The following PER3 variants were observed in gnomAD, a reference collection of about 807,000 sequenced individuals.
PER3 encodes the protein period circadian regulator 3.
In PER3, 107 loss-of-function variants were observed where a neutral mutation model predicts 127.2. The observed-to-expected ratio is 0.84, with a 90% CI of 0.72 to 0.99. PER3 has a LOEUF of 0.99. Ranked by LOEUF, PER3 falls within the 50% of genes least tolerant of loss-of-function variation. The pLI, the probability that PER3 is intolerant of heterozygous loss-of-function variation, is 0.00. For missense variants in PER3, 1,560 were observed against 1,525.8 expected (o/e 1.02, Z -0.37); for synonymous variants, 618 against 585.8 (o/e 1.05, Z -0.79).
intron 21 of PER3, among the ~76,000 whole-genome samples, chr1:7,841,879 TCCTTTCA>T (rs2151339256): frequency 6.6e-6 from 1 of 152,240 alleles, no homozygotes; most frequent in East Asian, 1.9e-4. Flanking sequence ...AAAAGCACAG[TCCTTTCA>T]CCACTTAGTA....
At chr1:7,817,351 A>G (rs952410716) in intron 13 of PER3, among the ~76,000 whole-genome samples, 2 of 152,232 alleles carry the variant, frequency 1.3e-5, no homozygotes, top group Non-Finnish European at 2.9e-5. Context: ...GTCCAACTGC[A>G]TTACAGATGA....
At chr1:7,810,679 T>A in intron 13 of PER3, 91 bp downstream of exon 13, 1 of 1,233,778 alleles carries the variant, frequency 8.1e-7, no homozygotes, top group Middle Eastern at 2.2e-4. Context: ...CATAAAGTCA[T>A]GACCCTGTGT....
chr1:7,814,785 C>A (rs1399781521), intron 13 of PER3, among the ~76,000 whole-genome samples: 1 of 152,096 alleles, frequency 6.6e-6, no homozygotes, highest in Non-Finnish European at 1.5e-5. Context: ...AACAATACTA[C>A]AGAGGGTGGG....
At chr1:7,832,128 A>T (rs1320546937) in intron 19 of PER3, among the ~76,000 whole-genome samples, 1 of 152,086 alleles carries the variant, frequency 6.6e-6, no homozygotes, top group Non-Finnish European at 1.5e-5. Context: ...CTTTCAAGAA[A>T]TGTATCTATT....
At chr1:7,785,117 T>G (rs2097080239) in intron 2 of PER3, 112 bp downstream of exon 2, 3 of 1,185,166 alleles carry the variant, frequency 2.5e-6, no homozygotes, top group Admixed American at 2.9e-5. Flanking sequence ...CAGGGGAAAG[T>G]GTAAAGGGGA....
At chr1:7,842,421 A>G (rs2097395173) in intron 21 of PER3, among the ~76,000 whole-genome samples, 1 of 151,842 alleles carries the variant, frequency 6.6e-6, no homozygotes, top group Non-Finnish European at 1.5e-5. Flanking sequence ...AATCGCTTGA[A>G]CCTGGGAGGC....
chr1:7,836,970 C>CTA, intron 20 of PER3, 29 bp from the exon 21 acceptor site: 1 of 1,584,724 alleles, frequency 6.3e-7, no homozygotes, highest in South Asian at 1.1e-5. Flanking sequence ...TTATTCAGGA[C>CTA]TATTAAGATT....
In PER3 at chr1:7,785,422, ATT is replaced by A; in HGVS notation, c.129-11_129-10del. 1.3e-6 allele frequency: 2 copies of A among 1,580,956 alleles called. No individual in the cohort carries two copies. The highest frequency in any genetic ancestry group is 1.4e-5 in the African/African-American group (1 of 73,968). ...GTTGTCTTCAGAGGATGAAGTTGTAATTTTTTTTTATCTTCCAGTGAACAGCA... is the reference window on the plus strand; with the variant it reads ...GTTGTCTTCAGAGGATGAAGTTGTAATTTTTTTATCTTCCAGTGAACAGCA... On this transcript the variant is annotated splice_polypyrimidine_tract_variant and intron_variant, in intron 2 of 21. Coordinates refer to ENST00000377532, the MANE Select transcript of PER3 (RefSeq NM_001377275.1).
At chr1:7,834,343 T>C (rs2097347408) in intron 19 of PER3, among the ~76,000 whole-genome samples, 1 of 152,258 alleles carries the variant, frequency 6.6e-6, no homozygotes, top group South Asian at 2.1e-4. Flanking sequence ...CTTTGTCTTT[T>C]GTGCTATTTT....
At chr1:7,816,488 T>G (rs1362956298) in intron 13 of PER3, among the ~76,000 whole-genome samples, 1 of 152,196 alleles carries the variant, frequency 6.6e-6, no homozygotes, top group East Asian at 1.9e-4. Context: ...ATATCCAGTG[T>G]ACATAAAGAA....
rs764827981 is a variant in PER3, at chr1:7,810,529, A to C, written c.1463A>C (p.Lys488Thr). The C allele has an allele frequency of 3.7e-6, 6 of 1,613,838 alleles. No individual in the cohort carries two copies. The highest frequency in any genetic ancestry group is 1.7e-5 in the Admixed American group (1 of 59,938). Reference sequence around the variant, plus strand: ...GAGTCAATGACCAAATCATCATTCAAGCCAGTGACGGGGACACGCACAGAA... The same window carrying C: ...GAGTCAATGACCAAATCATCATTCACGCCAGTGACGGGGACACGCACAGAA... ...YIESMTKSSFKPVTGTRTEPN... is the reference protein window; with the variant it reads ...YIESMTKSSFTPVTGTRTEPN... The change falls in exon 13 of 22, where the codon AAG becomes ACG. Residue 488 changes from lysine (K) to threonine (T), a missense_variant. By Grantham distance (78) the Lys-to-Thr change is moderately conservative (BLOSUM62 -1). Around this residue, in one of 3 missense-constraint regions of PER3, gnomAD observed 1,332 missense variants for 1,223.6 expected, o/e 1.09. Coordinates refer to ENST00000377532, the MANE Select transcript of PER3 (RefSeq NM_001377275.1).
chr1:7,831,247 A>G (rs1028581919), intron 19 of PER3, among the ~76,000 whole-genome samples: 3 of 152,156 alleles, frequency 2.0e-5, no homozygotes, highest in Non-Finnish European at 4.4e-5. Flanking sequence ...TAAATTTTCA[A>G]TTTGCAATTG....
intron 2 of PER3, 39 bp downstream of exon 2, chr1:7,785,044 G>A (rs753473012): frequency 6.4e-7 from 1 of 1,557,644 alleles, no homozygotes; most frequent in Non-Finnish European, 8.6e-7. Context: ...CCATGCGTTC[G>A]TTGTCCTTCC....
chr1:7,840,069 T>A (rs1396143922), intron 21 of PER3, among the ~76,000 whole-genome samples: 1 of 152,196 alleles, frequency 6.6e-6, no homozygotes, highest in Admixed American at 6.5e-5. Flanking sequence ...TTTTCTTCAG[T>A]CTTTTTTCTT....
Position 7,830,143 on chromosome 1 carries a change from A to G in PER3, c.3196A>G (p.Thr1066Ala), listed in dbSNP as rs2097324212. 6.2e-7 allele frequency: 1 copy of G among 1,613,930 alleles called. No homozygotes were observed. The highest frequency in any genetic ancestry group is 8.5e-7 in the Non-Finnish European group (1 of 1,179,918). The change falls in exon 19 of 22, where the codon ACT (threonine) becomes GCT (alanine). Residue 1066 changes from threonine to alanine, a missense_variant. Physicochemically the swap from Thr to Ala is moderately conservative, Grantham distance 58. This residue lies in a region of PER3 where 199 missense variants were observed against 198.6 expected (regional missense o/e 1.00). Coordinates refer to ENST00000377532, the MANE Select transcript of PER3 (RefSeq NM_001377275.1). ...GSPPSESPSR[T>A]GSAASGSSDS... ...ACCTCCCAGCGAATCCCCATCCAGA[A>G]CTGGTTCAGCAGCATCAGGTAGTGG...
At chr1:7,840,810 G>C (rs1019455498) in intron 21 of PER3, among the ~76,000 whole-genome samples, 1 of 147,952 alleles carries the variant, frequency 6.8e-6, no homozygotes, top group East Asian at 2.0e-4. Flanking sequence ...GCCTCACTCT[G>C]TTGCCCAGTC....
In PER3 at chr1:7,842,831, T is replaced by C. The variant is rs1441189729; in HGVS notation, c.*76T>C. ...CAGACCTTTTTAAGTCCTGGACTTT[T>C]AAATGACCATGAAGTTATCATTGAA... On this transcript the variant is annotated 3_prime_UTR_variant, in exon 22 of 22. Coordinates refer to ENST00000377532, the MANE Select transcript of PER3 (RefSeq NM_001377275.1). 1.6e-6 allele frequency: 2 copies of C among 1,220,210 alleles called. No homozygotes were observed. Among genetic ancestry groups the C allele is most frequent in the Non-Finnish European group, 1.2e-6 (1 of 861,782 alleles). The allele number at this position is 1,220,210 out of a possible 1,614,324, so 75.6% of individuals were successfully genotyped here.
intron 13 of PER3, among the ~76,000 whole-genome samples, chr1:7,816,639 C>A (rs1352941795): frequency 0.011 from 1,604 of 152,296 alleles, 36 homozygotes; most frequent in African/African-American, 0.036. Context: ...CACCACACAT[C>A]TGTGAGAATG....
intron 7 of PER3, among the ~76,000 whole-genome samples, chr1:7,800,072 C>G (rs920162884): frequency 6.6e-6 from 1 of 152,060 alleles, no homozygotes; most frequent in Non-Finnish European, 1.5e-5. Context: ...GCCATCAGAC[C>G]TGTTTTTGTG....
Sources: gnomAD v4.1 joint callset for allele counts (sites outside exome capture counted in the v4.1 genomes callset) on GRCh38, gnomAD v4.1.1 for gene constraint, gnomAD v4.1.1 regional missense constraint, MANE v1.5 for transcripts, NCBI Gene and HGNC (gene_info 2026-07-23, HGNC 2026-07-21) for gene names.